PKIA: variants seen among roughly 807,000 people sequenced by gnomAD.
PKIA encodes cAMP-dependent protein kinase inhibitor alpha, also known as PKI-alpha.
A neutral mutation model predicts 7.6 loss-of-function variants in PKIA; 4 were observed. The observed-to-expected ratio is 0.52, with a 90% CI of 0.26 to 1.20. The LOEUF is 1.20. Ranked by LOEUF, PKIA falls within the 50% of genes most tolerant of loss-of-function variation. The pLI, the probability that PKIA is intolerant of heterozygous loss-of-function variation, is 0.13. For missense variants in PKIA, 73 were observed against 86.2 expected (o/e 0.85, Z 0.61); for synonymous variants, 21 against 30.7 (o/e 0.68, Z 1.04).
intron 1 of PKIA, among the ~76,000 whole-genome samples, chr8:78,524,415 AG>A: frequency 6.6e-6 from 1 of 151,604 alleles, no homozygotes; most frequent in East Asian, 1.9e-4. Context: ...GTGGCTCTCA[AG>A]GAAGTGAGTA....
At chr8:78,547,126 TG>T (rs1177529471) in intron 1 of PKIA, among the ~76,000 whole-genome samples, 1 of 152,178 alleles carries the variant, frequency 6.6e-6, no homozygotes, top group Non-Finnish European at 1.5e-5. Context: ...TTTGTTTTTT[TG>T]TGATTGGAGT....
intron 3 of PKIA, among the ~76,000 whole-genome samples, chr8:78,600,710 A>G (rs1367811565): frequency 1.3e-5 from 2 of 152,130 alleles, no homozygotes; most frequent in African/African-American, 4.8e-5. Context: ...TACCCTTGGT[A>G]CTGCTTTAGA....
At chr8:78,533,417 T>C (rs1806441800) in intron 1 of PKIA, among the ~76,000 whole-genome samples, 1 of 152,182 alleles carries the variant, frequency 6.6e-6, no homozygotes, top group African/African-American at 2.4e-5. Flanking sequence ...CAAGATACTT[T>C]AGGACTTTTA....
At chr8:78,568,972 A>G (rs1173789185) in intron 1 of PKIA, among the ~76,000 whole-genome samples, 1 of 151,996 alleles carries the variant, frequency 6.6e-6, no homozygotes. Context: ...TTCAATGGAG[A>G]GCTGAGCCTC....
chr8:78,537,401 C>A (rs1231923735), intron 1 of PKIA, among the ~76,000 whole-genome samples: 1 of 151,976 alleles, frequency 6.6e-6, no homozygotes, highest in Middle Eastern at 3.2e-3. Flanking sequence ...GAAGGGTAGA[C>A]ATTTCCTTGC....
chr8:78,548,789 T>C (rs1806902646), intron 1 of PKIA, among the ~76,000 whole-genome samples: 1 of 152,094 alleles, frequency 6.6e-6, no homozygotes, highest in Non-Finnish European at 1.5e-5. Context: ...AATAATTATA[T>C]TGTTATAATG....
chr8:78,565,861 A>T (rs1266783575), intron 1 of PKIA, among the ~76,000 whole-genome samples: 1 of 151,982 alleles, frequency 6.6e-6, no homozygotes, highest in Non-Finnish European at 1.5e-5. Context: ...TTTCCACTAC[A>T]TAGGGTAACA....
At chr8:78,596,862 A>G (rs1808237004) in intron 2 of PKIA, among the ~76,000 whole-genome samples, 1 of 152,192 alleles carries the variant, frequency 6.6e-6, no homozygotes, top group Non-Finnish European at 1.5e-5. Flanking sequence ...ATTTTTGTAC[A>G]TGGTAAAAGG....
intron 2 of PKIA, among the ~76,000 whole-genome samples, chr8:78,583,314 C>T (rs1228302122): frequency 1.3e-5 from 2 of 152,100 alleles, no homozygotes; most frequent in African/African-American, 2.4e-5. Context: ...TTTTTCCCAA[C>T]ATCAGATGGC....
intron 1 of PKIA, among the ~76,000 whole-genome samples, chr8:78,528,978 T>C (rs1806326075): frequency 1.3e-5 from 2 of 152,108 alleles, no homozygotes; most frequent in South Asian, 4.1e-4. Context: ...TTGAAATTGC[T>C]AAAACTTTAG....
chr8:78,567,364 T>C (rs1807439454), intron 1 of PKIA, among the ~76,000 whole-genome samples: 1 of 152,138 alleles, frequency 6.6e-6, no homozygotes, highest in African/African-American at 2.4e-5. Context: ...ATCCCCTTAG[T>C]TGTGACAATT....
chr8:78,596,061 TCTGA>T (rs1297834850), intron 2 of PKIA, among the ~76,000 whole-genome samples: 3 of 152,136 alleles, frequency 2.0e-5, no homozygotes, highest in African/African-American at 7.2e-5. Flanking sequence ...TAATAGCCAC[TCTGA>T]CTGGTGTGAG....
intron 1 of PKIA, among the ~76,000 whole-genome samples, chr8:78,570,917 T>C (rs1455073896): frequency 1.3e-5 from 2 of 152,164 alleles, no homozygotes; most frequent in Non-Finnish European, 2.9e-5. Flanking sequence ...TGCTAATATT[T>C]CTCACTTATT....
At position 78,516,392 on chromosome 8, in the gene PKIA, G is replaced by A. The variant is rs144942806; in HGVS notation, c.-233G>A. On this transcript the variant is annotated 5_prime_UTR_variant, in exon 1 of 4. Transcript: ENST00000396418. ...GGGCGCGGGCCGGCGCGAGCTGACC[G>A]AGCACTCGGCGGGCGCGGCGGGACT... The A allele has an allele frequency of 2.0e-4, 30 of 152,420 alleles. No homozygotes were observed. Among genetic ancestry groups the A allele is most frequent in the African/African-American group, 7.0e-4 (29 of 41,448 alleles). The allele number at this position is 152,420 out of a possible 1,614,324, so 9.4% of individuals were successfully genotyped here. A position where few individuals can be genotyped will look rare whatever the true frequency, so the allele number is the denominator to read the frequency against.
intron 1 of PKIA, among the ~76,000 whole-genome samples, chr8:78,539,310 A>G (rs1806614139): frequency 6.6e-6 from 1 of 152,158 alleles, no homozygotes; most frequent in African/African-American, 2.4e-5. Flanking sequence ...TGTAAGGAAG[A>G]AATCATCTTC....
At chr8:78,519,041 T>G (rs947541899) in intron 1 of PKIA, among the ~76,000 whole-genome samples, 1 of 151,524 alleles carries the variant, frequency 6.6e-6, no homozygotes, top group Non-Finnish European at 1.5e-5. Flanking sequence ...AATTGGCTGG[T>G]GTTCAGAATT....
At chr8:78,540,703 T>C (rs2118409900) in intron 1 of PKIA, among the ~76,000 whole-genome samples, 1 of 151,642 alleles carries the variant, frequency 6.6e-6, no homozygotes, top group East Asian at 1.9e-4. Context: ...TTTCCTTTTT[T>C]CGCAAATTTT....
chr8:78,585,559 G>A (rs1401937691), intron 2 of PKIA, among the ~76,000 whole-genome samples: 1 of 152,146 alleles, frequency 6.6e-6, no homozygotes, highest in East Asian at 1.9e-4. Context: ...TACATTTTCG[G>A]TAGTTAAAGG....
intron 2 of PKIA, among the ~76,000 whole-genome samples, chr8:78,582,750 T>C (rs958248850): frequency 1.3e-5 from 2 of 152,114 alleles, no homozygotes; most frequent in Admixed American, 6.6e-5. Flanking sequence ...ATGAAATTCA[T>C]AAGAAAAAAC....
Sources: gnomAD v4.1 joint callset for allele counts (sites outside exome capture counted in the v4.1 genomes callset) on GRCh38, gnomAD v4.1.1 for gene constraint, MANE v1.5 for transcripts, NCBI Gene and HGNC (gene_info 2026-07-23, HGNC 2026-07-21) for gene names.